The following CLINT1 variants were observed in gnomAD, a reference collection of about 807,000 sequenced individuals.
CLINT1 encodes the protein clathrin interacting protein localized in the trans-Golgi region.
A neutral mutation model predicts 70.4 loss-of-function variants in CLINT1; 15 were observed. The ratio of observed to expected loss-of-function variants is 0.21; its 90% CI spans 0.14 to 0.33. The LOEUF (loss-of-function observed/expected upper bound fraction) is 0.33, where lower values mean the gene tolerates loss of function less well. CLINT1 is among the 10% of genes least tolerant of loss of function. The probability of loss-of-function intolerance (pLI) is 1.00; values close to 1 mark genes in which losing one functional copy is unlikely to be tolerated. For synonymous variants in CLINT1, 227 were observed against 254.7 expected, an observed-to-expected ratio of 0.89 and a Z score of 1.04; for missense variants, 615 against 778.1, an observed-to-expected ratio of 0.79 and a Z score of 2.49.
chr5:157,851,275 T>A (rs1156712221), intron 1 of CLINT1, among the ~76,000 whole-genome samples: 1 of 152,184 alleles, frequency 6.6e-6, no homozygotes, highest in Non-Finnish European at 1.5e-5. Flanking sequence ...AAAGCACGCA[T>A]GTACGTTTAC....
chr5:157,809,514 G>T, intron 6 of CLINT1, 114 bp downstream of exon 6: 1 of 658,452 alleles, frequency 1.5e-6, no homozygotes, highest in Non-Finnish European at 2.3e-6. Flanking sequence ...AAAAAAAAAG[G>T]CCCAATTTCA....
intron 1 of CLINT1, among the ~76,000 whole-genome samples, chr5:157,849,829 A>G (rs1753509072): frequency 6.6e-6 from 1 of 152,246 alleles, no homozygotes; most frequent in African/African-American, 2.4e-5. Context: ...TGTAATAAAT[A>G]TCAACTTACC....
At chr5:157,830,913 A>C (rs1242740136) in intron 1 of CLINT1, among the ~76,000 whole-genome samples, 1 of 151,488 alleles carries the variant, frequency 6.6e-6, no homozygotes, top group Non-Finnish European at 1.5e-5. Flanking sequence ...CTGTAGTCCC[A>C]GCTACTGGAG....
At chr5:157,799,270 C>T (rs1762146917) in intron 8 of CLINT1, among the ~76,000 whole-genome samples, 1 of 151,866 alleles carries the variant, frequency 6.6e-6, no homozygotes, top group East Asian at 1.9e-4. Flanking sequence ...GGAGACAACC[C>T]CTACCCAAAT....
intron 1 of CLINT1, among the ~76,000 whole-genome samples, chr5:157,842,897 T>C (rs1753238910): frequency 6.6e-6 from 1 of 152,230 alleles, no homozygotes; most frequent in Admixed American, 6.5e-5. Flanking sequence ...TGGCAGTTGC[T>C]TAAGGCCACT....
Position 157,813,199 on chromosome 5 carries a change from ATT to A in CLINT1, c.379_380del (p.Asn127TyrfsTer10). ...CCAATTCCTTCACCTTCTGTCGAAT[ATT>A]TATACCTTGATCCTTACCATGCTCA... Reference protein sequence around the residue: ...VDEHGKDQGINIRQKVKELVE... With the variant: ...VDEHGKDQGIXIRQKVKELVE... On this transcript the variant is annotated frameshift_variant, in exon 5 of 12. Transcript: ENST00000411809. LOFTEE classifies it high-confidence loss of function. 1 of 1,613,486 alleles carries A rather than the reference ATT, an allele frequency of 6.2e-7. No individual in the cohort carries two copies. Among genetic ancestry groups the A allele is most frequent in the Non-Finnish European group, 8.5e-7 (1 of 1,179,818 alleles).
intron 6 of CLINT1, among the ~76,000 whole-genome samples, chr5:157,808,091 T>C (rs1019590013): frequency 6.6e-6 from 1 of 152,170 alleles, no homozygotes; most frequent in South Asian, 2.1e-4. Flanking sequence ...ATGCATATGA[T>C]AATTATAAAT....
At chr5:157,843,607 T>C (rs1295972446) in intron 1 of CLINT1, among the ~76,000 whole-genome samples, 1 of 152,184 alleles carries the variant, frequency 6.6e-6, no homozygotes, top group Non-Finnish European at 1.5e-5. Flanking sequence ...TCACTCTTCA[T>C]TTAAAACTAA....
intron 9 of CLINT1, 124 bp from the exon 10 acceptor site, chr5:157,792,119 A>C: frequency 1.3e-6 from 1 of 747,564 alleles, no homozygotes; most frequent in Non-Finnish European, 2.2e-6. Flanking sequence ...TGCAGGTACC[A>C]TCTCCATCTG....
At chr5:157,839,121 A>G (rs536655041) in intron 1 of CLINT1, among the ~76,000 whole-genome samples, 1 of 152,192 alleles carries the variant, frequency 6.6e-6, no homozygotes, top group East Asian at 1.9e-4. Context: ...CCCAGGTACT[A>G]GGGAGGCTGA....
At chr5:157,853,944 C>A (rs1373357361) in intron 1 of CLINT1, among the ~76,000 whole-genome samples, 1 of 151,992 alleles carries the variant, frequency 6.6e-6, no homozygotes, top group Non-Finnish European at 1.5e-5. Flanking sequence ...CAGAGATAAA[C>A]CAAACTCATC....
chr5:157,831,939 G>A (rs767063193), intron 1 of CLINT1, among the ~76,000 whole-genome samples: 15 of 150,958 alleles, frequency 9.9e-5, no homozygotes, highest in South Asian at 4.2e-4. Flanking sequence ...ATCCACCCCC[G>A]CCCACCTCGG....
chr5:157,821,104 C>A (rs575230739), intron 1 of CLINT1, among the ~76,000 whole-genome samples: 12 of 152,168 alleles, frequency 7.9e-5, no homozygotes, highest in African/African-American at 2.6e-4. Flanking sequence ...ATTATTATGA[C>A]CTTCTGTTGA....
At chr5:157,841,165 C>T (rs1753160624) in intron 1 of CLINT1, among the ~76,000 whole-genome samples, 1 of 152,076 alleles carries the variant, frequency 6.6e-6, no homozygotes, top group African/African-American at 2.4e-5. Flanking sequence ...ACACGGGAGT[C>T]TAGAGTGGGA....
At chr5:157,840,176 C>T (rs13181113) in intron 1 of CLINT1, among the ~76,000 whole-genome samples, 9,647 of 110,872 alleles carry the variant, frequency 0.087, 512 homozygotes, top group Middle Eastern at 0.15. Flanking sequence ...ACCTGGGCAA[C>T]AGCGTGAGAC....
At chr5:157,853,845 A>G (rs1753661190) in intron 1 of CLINT1, among the ~76,000 whole-genome samples, 1 of 151,878 alleles carries the variant, frequency 6.6e-6, no homozygotes, top group African/African-American at 2.4e-5. Flanking sequence ...GCAAGAAAAC[A>G]TAAGAGGCAG....
intron 1 of CLINT1, among the ~76,000 whole-genome samples, chr5:157,858,084 A>G (rs1753813315): frequency 6.6e-6 from 1 of 152,214 alleles, no homozygotes; most frequent in Admixed American, 6.5e-5. Context: ...TTCCTTGTGC[A>G]AGTAAGAGAC....
In CLINT1 at chr5:157,792,007, A is replaced by C. The variant is rs772397516; in HGVS notation, c.1088-12T>G. 1 of 1,608,548 alleles carries C rather than the reference A, an allele frequency of 6.2e-7. No homozygotes were observed. Among genetic ancestry groups the C allele is most frequent in the Non-Finnish European group, 8.5e-7 (1 of 1,177,186 alleles). ...ACTTGTTGCTGTTACTAAGACAGAA[A>C]TAACTCTAAGGGTAAGAAACTTCAT... On this transcript the variant is annotated splice_polypyrimidine_tract_variant and intron_variant, in intron 9 of 11. Coordinates refer to ENST00000411809, the MANE Select transcript of CLINT1 (RefSeq NM_014666.4).
intron 1 of CLINT1, among the ~76,000 whole-genome samples, chr5:157,844,090 T>C (rs914424602): frequency 4.6e-5 from 7 of 152,150 alleles, no homozygotes; most frequent in Admixed American, 6.5e-5. Flanking sequence ...AAGTAGGCTA[T>C]AGTTTTTTTC....
Sources: gnomAD v4.1 joint callset for allele counts (sites outside exome capture counted in the v4.1 genomes callset) on GRCh38, gnomAD v4.1.1 for gene constraint, MANE v1.5 for transcripts, NCBI Gene and HGNC (gene_info 2026-07-23, HGNC 2026-07-21) for gene names.